MARCHF6: variants seen among roughly 807,000 people sequenced by gnomAD.
MARCHF6 encodes the protein membrane associated ring-CH-type finger 6, also known as E3 ubiquitin-protein ligase MARCHF6.
MARCHF6 carries 31 observed loss-of-function variants against 133.7 expected under a neutral mutation model. That is an observed-to-expected ratio of 0.23 (90% CI 0.17 to 0.31). The LOEUF is 0.31. Ranked by LOEUF, MARCHF6 falls within the 10% of genes least tolerant of loss-of-function variation. MARCHF6 has a pLI of 1.00. For synonymous variants in MARCHF6, 395 were observed against 402.5 expected (o/e 0.98, Z 0.22); for missense variants, 723 against 1,121.6 (o/e 0.64, Z 5.08).
At chr5:10,418,766 T>C (rs1579611711) in intron 22 of MARCHF6, among the ~76,000 whole-genome samples, 1 of 152,208 alleles carries the variant, frequency 6.6e-6, no homozygotes, top group South Asian at 2.1e-4. Context: ...ATCACCCAGA[T>C]GAAAATGAGG....
At chr5:10,425,740 C>G (rs1012509782) in intron 23 of MARCHF6, among the ~76,000 whole-genome samples, 3 of 152,206 alleles carry the variant, frequency 2.0e-5, no homozygotes, top group African/African-American at 4.8e-5. Flanking sequence ...TTGTTTCTGT[C>G]TGCACTCCAT....
rs1740795827 is a variant in MARCHF6 at position 10,439,936 on chromosome 5, CT to C, written c.*6255del. On this transcript the variant is annotated 3_prime_UTR_variant, in exon 26 of 26. Coordinates refer to ENST00000274140, the MANE Select transcript of MARCHF6 (RefSeq NM_005885.4). ...GCAATACCCAAATGTTCTTCAGGCT[CT>C]TTAGCCTCTTCATTTCTTTCCTGAA... The C allele has an allele frequency of 6.6e-6, 1 of 152,306 alleles. No individual in the cohort carries two copies. The highest frequency in any genetic ancestry group is 1.5e-5 in the Non-Finnish European group (1 of 68,078). The allele number at this position is 152,306 out of a possible 1,614,324, so 9.4% of individuals were successfully genotyped here. A position where few individuals can be genotyped will look rare whatever the true frequency, so the allele number is the denominator to read the frequency against.
In MARCHF6 at chr5:10,364,345, A is replaced by G. The variant is rs538900045; in HGVS notation, c.19+10428A>G. 2.3e-3 allele frequency among the ~76,000 whole-genome samples: 352 copies of G among 152,222 alleles called. 1 individual carries two copies. Among genetic ancestry groups the G allele is most frequent in the Non-Finnish European group, 3.7e-3 (253 of 68,022 alleles). ...GTTATGCAGAGGGAGTTGGGATATC[A>G]CTGTGTGTACCTGTGCAAGTCCTGG... On this transcript the variant is annotated intron_variant, in intron 1 of 25. Coordinates refer to ENST00000274140, the MANE Select transcript of MARCHF6 (RefSeq NM_005885.4).
chr5:10,371,784 G>T (rs556268629), intron 1 of MARCHF6, among the ~76,000 whole-genome samples: 190 of 152,230 alleles, frequency 1.2e-3, no homozygotes, highest in African/African-American at 4.5e-3. Context: ...TGAGGCAGTG[G>T]CTGGTCTTTT....
At chr5:10,425,689 T>C (rs1230915689) in intron 23 of MARCHF6, among the ~76,000 whole-genome samples, 1 of 152,232 alleles carries the variant, frequency 6.6e-6, no homozygotes, top group African/African-American at 2.4e-5. Context: ...TAAGTGCTGC[T>C]GGTGAGGCAA....
chr5:10,426,308 T>G, intron 23 of MARCHF6, 82 bp from the exon 24 acceptor site: 1 of 1,493,014 alleles, frequency 6.7e-7, no homozygotes, highest in Non-Finnish European at 9.1e-7. Context: ...GGTTGGCAGA[T>G]TCAGTTGTGT....
At chr5:10,384,743 G>C (rs1294083447) in intron 4 of MARCHF6, among the ~76,000 whole-genome samples, 3 of 152,198 alleles carry the variant, frequency 2.0e-5, no homozygotes, top group Non-Finnish European at 4.4e-5. Context: ...CGTATACAGT[G>C]ATCAAGGGGG....
rs1439266831 is a variant in MARCHF6, at chr5:10,390,557, T to G, written c.576+57T>G. Reference sequence around the variant, plus strand: ...TAGGTAGGTCATGAGAATTATTGTTTCTCTCTGAGACTCAAACTCTTGACT... The same window carrying G: ...TAGGTAGGTCATGAGAATTATTGTTGCTCTCTGAGACTCAAACTCTTGACT... On this transcript the variant is annotated intron_variant, in intron 6 of 25. Transcript: ENST00000274140. 2.7e-6 allele frequency: 4 copies of G among 1,486,106 alleles called. No homozygotes were observed. The Admixed American group carries it at 8.2e-5, about 30-fold the overall frequency. The allele number at this position is 1,486,106 out of a possible 1,614,324, so 92.1% of individuals were successfully genotyped here.
intron 17 of MARCHF6, among the ~76,000 whole-genome samples, chr5:10,409,154 A>G (rs1008938839): frequency 6.6e-6 from 1 of 152,210 alleles, no homozygotes; most frequent in African/African-American, 2.4e-5. Flanking sequence ...GCATAGGAAC[A>G]TGATTGTTCA....
chr5:10,391,279 G>A (rs1034952311), intron 6 of MARCHF6, among the ~76,000 whole-genome samples: 4 of 151,774 alleles, frequency 2.6e-5, no homozygotes, highest in South Asian at 4.2e-4. Context: ...GACTATAGGC[G>A]CAAACCACCA....
intron 23 of MARCHF6, among the ~76,000 whole-genome samples, chr5:10,424,303 A>C (rs1739971223): frequency 6.6e-6 from 1 of 152,186 alleles, no homozygotes; most frequent in Non-Finnish European, 1.5e-5. Context: ...GGCAGTGTTG[A>C]TTCCTCTGGT....
intron 22 of MARCHF6, 68 bp downstream of exon 22, chr5:10,417,472 G>A: frequency 6.3e-7 from 1 of 1,593,576 alleles, no homozygotes; most frequent in Non-Finnish European, 8.6e-7. Context: ...TCCTAGCCAG[G>A]CATGGGGCTT....
chr5:10,377,122 C>T (rs1736833855), intron 1 of MARCHF6, among the ~76,000 whole-genome samples: 6 of 152,086 alleles, frequency 3.9e-5, no homozygotes, highest in Non-Finnish European at 7.3e-5. Context: ...CAAATATGCC[C>T]CTAGAGTCTT....
In MARCHF6 at chr5:10,353,855, C is replaced by A; in HGVS notation, c.-44C>A. 1 of 1,547,674 alleles carries A rather than the reference C, an allele frequency of 6.5e-7. No homozygotes were observed. Among genetic ancestry groups the A allele is most frequent in the East Asian group, 2.5e-5 (1 of 40,726 alleles). ...TCCCCTCCCTCTTTCCCCGCCCGGC[C>A]GCGGGAGCCTCGTGGCTGCGTCACC... On this transcript the variant is annotated 5_prime_UTR_variant, in exon 1 of 26. Transcript: ENST00000274140.
At chr5:10,385,086 G>T (rs1737386154) in intron 4 of MARCHF6, among the ~76,000 whole-genome samples, 1 of 152,192 alleles carries the variant, frequency 6.6e-6, no homozygotes, top group Non-Finnish European at 1.5e-5. Context: ...AACAAGCCAG[G>T]CACAAAATCG....
At chr5:10,417,169 T>G (rs1332907141) in intron 21 of MARCHF6, 101 bp from the exon 22 acceptor site, 17 of 1,325,908 alleles carry the variant, frequency 1.3e-5, no homozygotes, top group Admixed American at 9.3e-5. Context: ...GAGGGATGAC[T>G]GTGGTTGCTC....
chr5:10,414,142 A>ATT (rs1554025002), intron 19 of MARCHF6, among the ~76,000 whole-genome samples: 2 of 152,020 alleles, frequency 1.3e-5, no homozygotes, highest in Admixed American at 1.3e-4. Flanking sequence ...GTAATGTTTT[A>ATT]ATAACAAGGG....
In MARCHF6 at chr5:10,353,926, G is replaced by T; in HGVS notation, c.19+9G>T. ...GGACACCGCGGAGGAAGGTAAGTCG[G>T]CGACGCGCGGCGCCCGAGCCCTTGC... is the stretch of plus-strand genomic sequence containing the variant. On this transcript the variant is annotated intron_variant, in intron 1 of 25. Coordinates refer to ENST00000274140, the MANE Select transcript of MARCHF6 (RefSeq NM_005885.4). 2 of 1,552,010 alleles carry T rather than the reference G, an allele frequency of 1.3e-6. No homozygotes were observed. Among genetic ancestry groups the T allele is most frequent in the Non-Finnish European group, 1.7e-6 (2 of 1,153,914 alleles).
Position 10,437,264 on chromosome 5 carries a change from A to C in MARCHF6, c.*3580A>C, listed in dbSNP as rs1740690569. The C allele has an allele frequency of 6.6e-6, 1 of 152,232 alleles. No individual in the cohort carries two copies. 9.4% of individuals were successfully genotyped at this position (152,232 alleles called of 1,614,324 possible). On this transcript the variant is annotated 3_prime_UTR_variant, in exon 26 of 26. Transcript: ENST00000274140. The stretch of plus-strand genomic sequence containing the variant: ...CTGTGAGAAGTTTTCTACATTGTAA[A>C]ATTAAAAGATTATATTTAAAATACT...
Sources: allele counts gnomAD v4.1 joint callset (sites outside exome capture counted in the v4.1 genomes callset), GRCh38; gene constraint gnomAD v4.1.1; transcripts MANE v1.5; gene names NCBI Gene and HGNC (gene_info 2026-07-23, HGNC 2026-07-21).